The following PKHD1 variants were observed in gnomAD, a reference collection of about 807,000 sequenced individuals.
PKHD1 encodes PKHD1 ciliary IPT domain containing fibrocystin/polyductin.
Under a neutral mutation model 412.0 loss-of-function variants are expected in PKHD1, and 291 were observed. The observed-to-expected ratio is 0.71, with a 90% CI of 0.64 to 0.78. PKHD1 has a LOEUF of 0.78. PKHD1 is among the 30% of genes least tolerant of loss of function. The pLI is 0.00. For synonymous variants in PKHD1, 1,777 were observed against 1,821.5 expected (o/e 0.98, Z 0.62); for missense variants, 4,825 against 4,950.7 (o/e 0.97, Z 0.76).
intron 60 of PKHD1, among the ~76,000 whole-genome samples, chr6:51,674,245 G>A (rs1775479023): frequency 6.6e-6 from 1 of 152,308 alleles, no homozygotes; most frequent in Non-Finnish European, 1.5e-5. Context: ...GGTTGCTTAG[G>A]AGAGCTGTAG....
chr6:51,832,206 G>A (rs1402222889), intron 51 of PKHD1, among the ~76,000 whole-genome samples: 2 of 152,038 alleles, frequency 1.3e-5, no homozygotes, highest in Non-Finnish European at 2.9e-5. Flanking sequence ...TCTTTTTAAT[G>A]GTACCTGATC....
chr6:51,635,332 G>A (rs1484425344), intron 64 of PKHD1, among the ~76,000 whole-genome samples: 1 of 152,166 alleles, frequency 6.6e-6, no homozygotes, highest in African/African-American at 2.4e-5. Context: ...AAGTCAGGGT[G>A]ACCAGGCGAA....
chr6:52,073,271 C>T (rs1440201405), intron 7 of PKHD1, among the ~76,000 whole-genome samples, 192 bp downstream of exon 7: 4 of 152,188 alleles, frequency 2.6e-5, no homozygotes, highest in Non-Finnish European at 4.4e-5. Flanking sequence ...AATGGACCAA[C>T]TTAATTGACC....
chr6:51,892,459 G>C (rs1460075093), intron 43 of PKHD1, among the ~76,000 whole-genome samples: 1 of 152,150 alleles, frequency 6.6e-6, no homozygotes, highest in Non-Finnish European at 1.5e-5. Context: ...AGAGAAGAGG[G>C]CTACTGGTAT....
chr6:51,690,371 C>T (rs1778013757), intron 60 of PKHD1, among the ~76,000 whole-genome samples: 1 of 150,060 alleles, frequency 6.7e-6, no homozygotes, highest in Non-Finnish European at 1.5e-5. Context: ...CAATCCTAAG[C>T]AAAAAGAATA....
rs747933439 is a variant in PKHD1, at chr6:52,024,584, C to T, written c.5226G>A (p.Thr1742=). The T allele has an allele frequency of 2.7e-5, 43 of 1,613,854 alleles. 1 individual carries two copies. Among genetic ancestry groups the T allele is most frequent in the Admixed American group, 2.2e-4 (13 of 59,996 alleles). ...FTSRVIITAV[T]ENFGCLGGRL... is the part of the protein sequence containing the mutation. The stretch of plus-strand genomic sequence containing the variant: ...ATTTGCTTGACTTACCGAAGTTCTC[C>T]GTCACTGCTGTAATAATAACTCTTG... Residue 1742 remains threonine (T), a synonymous_variant, in exon 32 of 67, where the codon ACG becomes ACA. Transcript: ENST00000371117.
chr6:51,877,201 TCAA>T (rs1776747892), intron 46 of PKHD1, among the ~76,000 whole-genome samples: 1 of 42,018 alleles, frequency 2.4e-5, no homozygotes, highest in Non-Finnish European at 3.7e-5. Context: ...ATTAGACAGA[TCAA>T]CGAGACAGAA....
In PKHD1 at chr6:52,058,640, G is replaced by C. The variant is rs115660674; in HGVS notation, c.1234-39C>G. On this transcript the variant is annotated intron_variant, in intron 15 of 66. Transcript: ENST00000371117. ...AGCATATCATGATCAATACTATGCA[G>C]CTTCCAGGCATCTCTTTCTCAAACA... 5,603 of 1,594,556 alleles carry C rather than the reference G, an allele frequency of 3.5e-3. 169 individuals are homozygous for C. In the African/African-American group the frequency reaches 0.066, roughly 19 times the overall value.
At chr6:52,072,065 T>A (rs1304211867) in intron 8 of PKHD1, 50 bp downstream of exon 8, 4 of 1,021,722 alleles carry the variant, frequency 3.9e-6, no homozygotes, top group Non-Finnish European at 6.3e-6. Flanking sequence ...GTTGTATCCA[T>A]GTGGACGAAC....
rs1167225945 is a variant in PKHD1 at position 52,048,498 on chromosome 6, T to C, written c.2401A>G (p.Ile801Val). The change falls in exon 23 of 67, where the codon ATT (isoleucine) becomes GTT (valine). Residue 801 changes from isoleucine (I) to valine (V), a missense_variant. Transcript: ENST00000371117. ...HFRIQLPNTV[I>V]SDVPVQISAH... Reference sequence around the variant, plus strand: ...ACCCCAATCACCCCTTTACCAGAAATCACTGTATTAGGAAGCTGGATGCGA... The same window carrying C: ...ACCCCAATCACCCCTTTACCAGAAACCACTGTATTAGGAAGCTGGATGCGA... 3 of 1,613,966 alleles carry C rather than the reference T, an allele frequency of 1.9e-6. No individual in the cohort carries two copies. In the East Asian group the frequency reaches 6.7e-5, roughly 36 times the overall value.
At chr6:51,781,754 A>T (rs1792052703) in intron 53 of PKHD1, among the ~76,000 whole-genome samples, 1 of 152,086 alleles carries the variant, frequency 6.6e-6, no homozygotes, top group Non-Finnish European at 1.5e-5. Flanking sequence ...TATCACACTT[A>T]TTTAAAATTA....
chr6:51,942,257 T>C (rs553479806), intron 36 of PKHD1, among the ~76,000 whole-genome samples: 1 of 151,692 alleles, frequency 6.6e-6, no homozygotes, highest in African/African-American at 2.4e-5. Context: ...AGTGCAGGGC[T>C]GTGCAGTCAG....
intron 14 of PKHD1, among the ~76,000 whole-genome samples, chr6:52,061,077 A>T (rs1171175888): frequency 6.6e-6 from 1 of 152,196 alleles, no homozygotes; most frequent in African/African-American, 2.4e-5. Context: ...CAAATACACC[A>T]AATGCAGCTG....
At chr6:51,680,057 T>C (rs1001639627) in intron 60 of PKHD1, among the ~76,000 whole-genome samples, 2 of 152,088 alleles carry the variant, frequency 1.3e-5, no homozygotes, top group Middle Eastern at 3.4e-3. Context: ...AATGCTACGG[T>C]ATCAAGCTCC....
intron 33 of PKHD1, among the ~76,000 whole-genome samples, chr6:52,019,682 C>T (rs1202440915): frequency 6.6e-6 from 1 of 152,136 alleles, no homozygotes; most frequent in Non-Finnish European, 1.5e-5. Flanking sequence ...GCTTTCCATG[C>T]CTTATGGAAA....
At chr6:52,071,196 A>C in intron 8 of PKHD1, 126 bp from the exon 9 acceptor site, 2 of 734,800 alleles carry the variant, frequency 2.7e-6, no homozygotes, top group East Asian at 5.1e-5. Flanking sequence ...TAGACAGAGA[A>C]AGTATAATGA....
At chr6:51,977,018 T>C (rs80141495) in intron 35 of PKHD1, among the ~76,000 whole-genome samples, 2 of 151,754 alleles carry the variant, frequency 1.3e-5, no homozygotes, top group African/African-American at 4.9e-5. Flanking sequence ...TTGGGTTCTG[T>C]AATTCTATAG....
At chr6:51,742,199 A>G (rs1784640890) in intron 60 of PKHD1, among the ~76,000 whole-genome samples, 1 of 152,206 alleles carries the variant, frequency 6.6e-6, no homozygotes, top group Non-Finnish European at 1.5e-5. Flanking sequence ...TGCAAAAAAT[A>G]TATTTGCTGG....
intron 17 of PKHD1, 45 bp from the exon 18 acceptor site, chr6:52,056,833 A>T (rs765156708): frequency 1.9e-6 from 3 of 1,585,852 alleles, no homozygotes; most frequent in Non-Finnish European, 2.6e-6. Context: ...TCATGAGCAT[A>T]AAGACCACCC....
Sources: gnomAD v4.1 joint callset for allele counts (sites outside exome capture counted in the v4.1 genomes callset) on GRCh38, gnomAD v4.1.1 for gene constraint, MANE v1.5 for transcripts, NCBI Gene and HGNC (gene_info 2026-07-23, HGNC 2026-07-21) for gene names.